ST7: variants seen among roughly 807,000 people sequenced by gnomAD.
ST7 encodes the protein suppressor of tumorigenicity 7 protein.
Under a neutral mutation model 78.7 loss-of-function variants are expected in ST7, and 28 were observed. The ratio of observed to expected loss-of-function variants is 0.36; its 90% CI spans 0.26 to 0.49. The LOEUF (loss-of-function observed/expected upper bound fraction) is 0.49, where lower values mean the gene tolerates loss of function less well. Ranked by LOEUF, ST7 falls within the 20% of genes least tolerant of loss-of-function variation. The pLI, the probability that ST7 is intolerant of heterozygous loss-of-function variation, is 0.99. For synonymous variants in ST7, 247 were observed against 249.6 expected, an observed-to-expected ratio of 0.99 and a Z score of 0.10; for missense variants, 418 against 696.0, an observed-to-expected ratio of 0.60 and a Z score of 4.49.
At chr7:117,041,849 T>C (rs186866146) in intron 1 of ST7, among the ~76,000 whole-genome samples, 66 of 152,272 alleles carry the variant, frequency 4.3e-4, no homozygotes, top group Admixed American at 5.2e-4. Context: ...AGAATTAAGG[T>C]TGATAATAGA....
chr7:116,963,870 A>G (rs1792964433), intron 1 of ST7, among the ~76,000 whole-genome samples: 1 of 151,962 alleles, frequency 6.6e-6, no homozygotes, highest in Admixed American at 6.6e-5. Context: ...TGACTTCGTG[A>G]TCCGCCCGCC....
At chr7:116,982,214 T>C (rs925410239) in intron 1 of ST7, among the ~76,000 whole-genome samples, 20 of 152,168 alleles carry the variant, frequency 1.3e-4, no homozygotes, top group Non-Finnish European at 2.4e-4. Flanking sequence ...TTTTTACTTC[T>C]TTTTTGTTTT....
chr7:117,146,451 C>G (rs1249878767), intron 9 of ST7: 2 of 152,226 alleles, frequency 1.3e-5, no homozygotes, highest in Admixed American at 1.3e-4. Flanking sequence ...AGCTTTTACT[C>G]TGGGTGAAAT....
intron 1 of ST7, 43 bp from the exon 2 acceptor site, chr7:117,099,719 A>G: frequency 6.9e-7 from 1 of 1,452,316 alleles, no homozygotes; most frequent in Non-Finnish European, 9.6e-7. Flanking sequence ...ACATACTCAT[A>G]CATTCCTTGT....
rs377763076 is a variant in ST7, at chr7:117,168,923, T to C, written c.964-1939T>C. 1.4e-4 allele frequency among the ~76,000 whole-genome samples: 21 copies of C among 152,348 alleles called. No individual in the cohort carries two copies. The East Asian group carries it at 3.7e-3, about 27-fold the overall frequency. On this transcript the variant is annotated intron_variant, in intron 9 of 15. Coordinates refer to ENST00000323984, the MANE Select transcript of ST7 (RefSeq NM_001369598.1). ...CTCAGCATAATTACTTTAAAGATGT[T>C]GACATCAAAAACAGTTATCACTTTT...
chr7:117,064,813 G>A (rs1798544799), intron 1 of ST7, among the ~76,000 whole-genome samples: 1 of 152,186 alleles, frequency 6.6e-6, no homozygotes, highest in African/African-American at 2.4e-5. Flanking sequence ...AATTTTAAGA[G>A]TTTCCCGGGA....
intron 1 of ST7, among the ~76,000 whole-genome samples, chr7:116,980,448 G>A (rs1176724994): frequency 3.9e-5 from 6 of 152,110 alleles, no homozygotes; most frequent in Admixed American, 1.3e-4. Flanking sequence ...TCCTTCACAG[G>A]AGCTTCACTT....
At chr7:116,972,191 T>G in intron 1 of ST7, 1 of 552,684 alleles carries the variant, frequency 1.8e-6, no homozygotes, top group Non-Finnish European at 3.5e-6. Context: ...TCAAGCAGAG[T>G]CTGGACCAGC....
In ST7 at chr7:117,229,915, A is replaced by G; in HGVS notation, c.*58A>G. 1 of 1,422,762 alleles carries G rather than the reference A, an allele frequency of 7.0e-7. No homozygotes were observed. The highest frequency in any genetic ancestry group is 9.9e-7 in the Non-Finnish European group (1 of 1,005,462). 88.1% of individuals were successfully genotyped at this position (1,422,762 alleles called of 1,614,324 possible). On this transcript the variant is annotated 3_prime_UTR_variant, in exon 16 of 16. Coordinates refer to ENST00000323984, the MANE Select transcript of ST7 (RefSeq NM_001369598.1). ...CGCTGCCACCATCTCCTCTGTGCCA[A>G]CTCCTTGTGGACCGCAAGAAAGCAT... is the stretch of plus-strand genomic sequence containing the variant.
At chr7:117,117,339 A>G (rs1365388854) in intron 2 of ST7, among the ~76,000 whole-genome samples, 1 of 152,288 alleles carries the variant, frequency 6.6e-6, no homozygotes, top group East Asian at 1.9e-4. Context: ...ATAGACTTGT[A>G]GTGGCAGGGG....
At chr7:117,012,788 G>A (rs1216442452) in intron 1 of ST7, among the ~76,000 whole-genome samples, 3 of 152,156 alleles carry the variant, frequency 2.0e-5, no homozygotes, top group African/African-American at 7.2e-5. Flanking sequence ...AAGTGGCTGA[G>A]ATGGGAGTTG....
At chr7:117,132,679 GA>G (rs1172540042) in intron 6 of ST7, among the ~76,000 whole-genome samples, 185 of 142,746 alleles carry the variant, frequency 1.3e-3, no homozygotes, top group Admixed American at 1.3e-3. Flanking sequence ...AGATCTTAGG[GA>G]AAAAAAAAAA....
chr7:117,035,817 GTCTT>G lies in ST7; in HGVS notation c.152-63943_152-63940del, dbSNP rs1462032468. The stretch of plus-strand genomic sequence containing the variant: ...TTTGTAGCTTTAAAAATTAGAATCA[GTCTT>G]TTTTTTTTTCCTGAGTGAATACATT... On this transcript the variant is annotated intron_variant, in intron 1 of 15. Transcript: ENST00000323984. 5.5e-5 allele frequency among the ~76,000 whole-genome samples: 6 copies of G among 109,828 alleles called. No homozygotes were observed. The East Asian group carries it at 9.5e-4, about 17-fold the overall frequency. The allele number at this position is 109,828 out of a possible 152,430, so 72.1% of individuals were successfully genotyped here. A position where few individuals can be genotyped will look rare whatever the true frequency, so the allele number is the denominator to read the frequency against.
In ST7 at chr7:117,222,771, G is replaced by T. The variant is rs1181198884; in HGVS notation, c.1638+709G>T. The T allele has an allele frequency of 5.4e-5, 54 of 998,924 alleles. No homozygotes were observed. In the South Asian group the frequency reaches 6.1e-4, roughly 11 times the overall value. 61.9% of individuals were successfully genotyped at this position (998,924 alleles called of 1,614,324 possible). A position where few individuals can be genotyped will look rare whatever the true frequency, so the allele number is the denominator to read the frequency against. ...AGGAATAAGGAAAACAGTATCAATT[G>T]TTTCCCTGGAACTCCATTCAGATTT... On this transcript the variant is annotated intron_variant, in intron 15 of 15. Coordinates refer to ENST00000323984, the MANE Select transcript of ST7 (RefSeq NM_001369598.1).
intron 1 of ST7, among the ~76,000 whole-genome samples, chr7:117,004,936 G>A (rs966401177): frequency 1.3e-5 from 2 of 152,170 alleles, no homozygotes; most frequent in African/African-American, 4.8e-5. Context: ...TGGGAACTTA[G>A]CATGTTTTAT....
intron 1 of ST7, among the ~76,000 whole-genome samples, chr7:117,096,910 A>G (rs180738208): frequency 6.6e-6 from 1 of 152,292 alleles, no homozygotes; most frequent in African/African-American, 2.4e-5. Flanking sequence ...TTTAATGCCT[A>G]CCATTATGTG....
At chr7:117,059,971 A>G (rs1563050310) in intron 1 of ST7, among the ~76,000 whole-genome samples, 1 of 152,170 alleles carries the variant, frequency 6.6e-6, no homozygotes, top group Non-Finnish European at 1.5e-5. Flanking sequence ...CAACAGAGCA[A>G]GACCCTGTCT....
At chr7:117,144,297 T>A (rs927283002) in intron 9 of ST7, 2 of 152,014 alleles carry the variant, frequency 1.3e-5, no homozygotes, top group Admixed American at 1.3e-4. Flanking sequence ...AGAAAAATTT[T>A]ATTATTATGA....
chr7:117,199,484 T>C (rs1810618679), intron 12 of ST7, among the ~76,000 whole-genome samples: 1 of 152,118 alleles, frequency 6.6e-6, no homozygotes, highest in Non-Finnish European at 1.5e-5. Context: ...TTGAACTACT[T>C]TTACTTAAGC....
Sources: allele counts gnomAD v4.1 joint callset (sites outside exome capture counted in the v4.1 genomes callset), GRCh38; gene constraint gnomAD v4.1.1; transcripts MANE v1.5; gene names NCBI Gene and HGNC (gene_info 2026-07-23, HGNC 2026-07-21).